Variants in SMYD3 observed in about 807,000 individuals in gnomAD.
SMYD3 encodes SET and MYND domain containing 3.
In SMYD3, 36 loss-of-function variants were observed where a neutral mutation model predicts 57.7. That is an observed-to-expected ratio of 0.62 (90% confidence interval 0.48 to 0.82). The LOEUF (loss-of-function observed/expected upper bound fraction) is 0.82. SMYD3 is among the 40% of genes least tolerant of loss of function. SMYD3 has a pLI of 0.00. For synonymous variants in SMYD3, 211 were observed against 195.0 expected (o/e 1.08, Z -0.68); for missense variants, 515 against 538.8 (o/e 0.96, Z 0.44).
chr1:246,052,727 C>T (rs536123379), intron 5 of SMYD3: 1 of 152,300 alleles, frequency 6.6e-6, no homozygotes, highest in African/African-American at 2.4e-5. Flanking sequence ...GACCAGATCT[C>T]CTTTGAATCC....
At chr1:246,087,040 A>G (rs1287572774) in intron 5 of SMYD3, among the ~76,000 whole-genome samples, 1 of 152,192 alleles carries the variant, frequency 6.6e-6, no homozygotes, top group Non-Finnish European at 1.5e-5. Flanking sequence ...ATCCATGTCC[A>G]TGCAAAGGGC....
chr1:246,413,639 T>C lies in SMYD3; in HGVS notation c.165-58545A>G, dbSNP rs145698936. Among the ~76,000 whole-genome samples, 956 of 152,174 alleles carry C rather than the reference T, an allele frequency of 6.3e-3. 12 individuals are homozygous for C. Among genetic ancestry groups the C allele is most frequent in the African/African-American group, 0.022 (910 of 41,502 alleles). On this transcript the variant is annotated intron_variant, in intron 1 of 11. Coordinates refer to ENST00000490107, the MANE Select transcript of SMYD3 (RefSeq NM_001167740.2). ...GATAAGATACGCTCATTTCAAAGTG[T>C]ATGATGCCCCACCCCCACACACTAG...
chr1:246,245,190 C>T (rs2063682579), intron 5 of SMYD3, among the ~76,000 whole-genome samples: 1 of 141,392 alleles, frequency 7.1e-6, no homozygotes, highest in Non-Finnish European at 1.5e-5. Flanking sequence ...AAACTGGCAA[C>T]AGGCCAGACA....
intron 9 of SMYD3, among the ~76,000 whole-genome samples, chr1:245,863,489 A>G (rs920136426): frequency 2.0e-5 from 3 of 152,176 alleles, no homozygotes; most frequent in Non-Finnish European, 4.4e-5. Flanking sequence ...GGGAGAAGAA[A>G]ATTGAGGAAT....
At chr1:246,045,038 T>A (rs994897511) in intron 5 of SMYD3, among the ~76,000 whole-genome samples, 5 of 152,194 alleles carry the variant, frequency 3.3e-5, no homozygotes, top group Non-Finnish European at 5.9e-5. Context: ...CTCAATATTG[T>A]GAAAACGGAC....
chr1:246,073,076 A>G lies in SMYD3; in HGVS notation c.532-143139T>C, dbSNP rs185178182. On this transcript the variant is annotated intron_variant, in intron 5 of 11. Transcript: ENST00000490107. ...CAGGGTATTTTTGATGACTGCAGTT[A>G]CAACGATGGATGCATACAATTTCCA... Among the ~76,000 whole-genome samples, 616 of 152,346 alleles carry G rather than the reference A, an allele frequency of 4.0e-3. 1 individual carries two copies. Among genetic ancestry groups the G allele is most frequent in the Non-Finnish European group, 6.9e-3 (471 of 68,042 alleles).
intron 8 of SMYD3, among the ~76,000 whole-genome samples, chr1:245,888,841 T>C (rs1414123623): frequency 6.6e-6 from 1 of 152,192 alleles, no homozygotes; most frequent in Non-Finnish European, 1.5e-5. Flanking sequence ...CAACCATGTC[T>C]ACCTGAAGCC....
rs1261547393 is a variant in SMYD3, at chr1:246,336,645, T to C, written c.229-1171A>G. On this transcript the variant is annotated intron_variant, in intron 2 of 11. Transcript: ENST00000490107. ...ATTTACTTAGCATTCTACAAGGTACTAGATACATGGCTAAGCAAATAACGA... is the reference window on the plus strand; with the variant it reads ...ATTTACTTAGCATTCTACAAGGTACCAGATACATGGCTAAGCAAATAACGA... 1.1e-4 allele frequency among the ~76,000 whole-genome samples: 17 copies of C among 152,328 alleles called. No homozygotes were observed. In the East Asian group the frequency reaches 2.5e-3, roughly 22 times the overall value.
At chr1:245,765,508 A>G (rs1012070951) in intron 10 of SMYD3, among the ~76,000 whole-genome samples, 4 of 152,244 alleles carry the variant, frequency 2.6e-5, no homozygotes, top group Non-Finnish European at 4.4e-5. Flanking sequence ...CAAATAAGGC[A>G]TAACTTAGTA....
At chr1:246,084,098 T>C (rs2060686742) in intron 5 of SMYD3, among the ~76,000 whole-genome samples, 1 of 152,118 alleles carries the variant, frequency 6.6e-6, no homozygotes, top group South Asian at 2.1e-4. Flanking sequence ...TTGCAGATTT[T>C]TGTCCAAAAG....
At chr1:245,831,060 A>G (rs1476377289) in intron 10 of SMYD3, among the ~76,000 whole-genome samples, 1 of 152,102 alleles carries the variant, frequency 6.6e-6, no homozygotes, top group African/African-American at 2.4e-5. Context: ...ACCAAACTAG[A>G]GCTAATCCCA....
chr1:246,360,939 A>T (rs1304467443), intron 1 of SMYD3, among the ~76,000 whole-genome samples: 1 of 152,282 alleles, frequency 6.6e-6, no homozygotes, highest in East Asian at 1.9e-4. Context: ...AAAAGCAAAC[A>T]TAAATAGATG....
intron 5 of SMYD3, among the ~76,000 whole-genome samples, chr1:246,140,937 A>T (rs946556452): frequency 6.6e-6 from 1 of 152,218 alleles, no homozygotes; most frequent in African/African-American, 2.4e-5. Flanking sequence ...TCACTGGCTT[A>T]GCAGAGTGGA....
intron 5 of SMYD3, among the ~76,000 whole-genome samples, chr1:246,221,505 G>A (rs759453365): frequency 5.3e-5 from 8 of 152,214 alleles, no homozygotes; most frequent in Non-Finnish European, 1.0e-4. Flanking sequence ...CCCAGACCTG[G>A]GAGCTCCCTG....
chr1:245,756,970 A>G (rs933625122), intron 11 of SMYD3, among the ~76,000 whole-genome samples: 1 of 152,084 alleles, frequency 6.6e-6, no homozygotes, highest in African/African-American at 2.4e-5. Flanking sequence ...TTTTAAAAAC[A>G]ATATGGTAAA....
chr1:246,424,995 TTG>T (rs2067198053), intron 1 of SMYD3, among the ~76,000 whole-genome samples: 1 of 152,238 alleles, frequency 6.6e-6, no homozygotes, highest in African/African-American at 2.4e-5. Flanking sequence ...AGAATTCATA[TTG>T]GCGGAGATAA....
intron 5 of SMYD3, among the ~76,000 whole-genome samples, chr1:245,999,525 C>A (rs2058997579): frequency 6.6e-6 from 1 of 152,036 alleles, no homozygotes; most frequent in Admixed American, 6.6e-5. Context: ...CCCAGAAACT[C>A]TTGACCTGGA....
chr1:245,955,682 T>A (rs2057818184), intron 5 of SMYD3, among the ~76,000 whole-genome samples: 1 of 152,190 alleles, frequency 6.6e-6, no homozygotes, highest in Non-Finnish European at 1.5e-5. Context: ...TTATTGTAAG[T>A]ATGTATACAT....
chr1:246,030,770 G>A (rs879690983), intron 5 of SMYD3, among the ~76,000 whole-genome samples: 4 of 152,076 alleles, frequency 2.6e-5, no homozygotes, highest in Non-Finnish European at 4.4e-5. Flanking sequence ...CACAAATTAC[G>A]TTATTTACTA....
Sources: allele counts gnomAD v4.1 joint callset (sites outside exome capture counted in the v4.1 genomes callset), GRCh38; gene constraint gnomAD v4.1.1; transcripts MANE v1.5; gene names NCBI Gene and HGNC (gene_info 2026-07-23, HGNC 2026-07-21).